Variants in HDAC2 observed in about 807,000 individuals in gnomAD.
HDAC2 encodes YY1-associated factor 1.
HDAC2 carries 5 observed loss-of-function variants against 68.5 expected under a neutral mutation model. The ratio of observed to expected loss-of-function variants is 0.07; its 90% CI spans 0.04 to 0.15. HDAC2 has a LOEUF of 0.15. Among genes scored for constraint, HDAC2 ranks in the 10% least tolerant of loss-of-function variants. The probability of loss-of-function intolerance (pLI) is 1.00; values close to 1 mark genes in which losing one functional copy is unlikely to be tolerated. For missense variants in HDAC2, 291 were observed against 600.8 expected, an observed-to-expected ratio of 0.48 and a Z score of 5.39; for synonymous variants, 182 against 191.3, an observed-to-expected ratio of 0.95 and a Z score of 0.40.
At chr6:113,964,759 T>C (rs1281230182) in intron 1 of HDAC2, among the ~76,000 whole-genome samples, 1 of 152,246 alleles carries the variant, frequency 6.6e-6, no homozygotes, top group Non-Finnish European at 1.5e-5. Context: ...GTCTTTTCAC[T>C]TGAATTCAAT....
Position 113,933,252 on chromosome 6 carries a change from T to A in HDAC2, c.*7806A>T, listed in dbSNP as rs1775933024. 1 of 152,206 alleles carries A rather than the reference T, an allele frequency of 6.6e-6. No homozygotes were observed. Among genetic ancestry groups the A allele is most frequent in the African/African-American group, 2.4e-5 (1 of 41,452 alleles). 9.4% of individuals were successfully genotyped at this position (152,206 alleles called of 1,614,324 possible). On this transcript the variant is annotated 3_prime_UTR_variant, in exon 14 of 14. Transcript: ENST00000519065. ...TCATGCATTACCTGACTGGGTGCAC[T>A]GAGAACACAGCATCATTCCTGTGAT...
rs563941081 is a variant in HDAC2 at position 113,956,024 on chromosome 6, A to G, written c.486T>C (p.Leu162=). The G allele has an allele frequency of 6.3e-7, 1 of 1,598,464 alleles. No homozygotes were observed. Among genetic ancestry groups the G allele is most frequent in the East Asian group, 2.2e-5 (1 of 44,560 alleles). The stretch of plus-strand genomic sequence containing the variant: ...ATAAATTAACATACTTTAGTAATTC[A>G]AGGATGGCAAGCACAATATCATTAA... The part of the protein sequence containing the change: ...CYVNDIVLAI[L]ELLKYHQRVL... Residue 162 remains leucine (L), a synonymous_variant, in exon 5 of 14, where the codon CTT becomes CTC. Transcript: ENST00000519065.
intron 3 of HDAC2, among the ~76,000 whole-genome samples, chr6:113,957,611 G>C (rs1776586117): frequency 6.6e-6 from 1 of 151,934 alleles, no homozygotes; most frequent in Non-Finnish European, 1.5e-5. Context: ...TCAGCCTACA[G>C]AGTAGTGGGA....
chr6:113,943,353 GT>G lies in HDAC2; in HGVS notation c.1375del (p.Thr459GlnfsTer47). On this transcript the variant is annotated frameshift_variant, in exon 12 of 14. Coordinates refer to ENST00000519065, the MANE Select transcript of HDAC2 (RefSeq NM_001527.4). LOFTEE classifies it high-confidence loss of function. ...EDKKETEDKK[T>X]DVKEEDKSKD... ...AATTACCAAGAAACAAATCTGACCT[GT>G]TTTTTTGTCCTCTGTTTCTTTCTTA... 2.5e-6 allele frequency: 4 copies of G among 1,593,210 alleles called. No homozygotes were observed. Among genetic ancestry groups the G allele is most frequent in the Non-Finnish European group, 3.4e-6 (4 of 1,173,402 alleles).
At chr6:113,961,451 G>A (rs867738653) in intron 1 of HDAC2, among the ~76,000 whole-genome samples, 3 of 152,068 alleles carry the variant, frequency 2.0e-5, no homozygotes, top group East Asian at 1.9e-4. Context: ...CATATACAAA[G>A]TCTTTTAAAG....
chr6:113,948,694 G>A (rs984267836), intron 8 of HDAC2: 6 of 314,212 alleles, frequency 1.9e-5, no homozygotes, highest in African/African-American at 4.3e-5. Context: ...AAAAAAGTAT[G>A]CATGTTTTAT....
chr6:113,946,063 A>T lies in HDAC2; in HGVS notation c.927T>A (p.Val309=). 1 of 1,613,378 alleles carries T rather than the reference A, an allele frequency of 6.2e-7. No homozygotes were observed. Among genetic ancestry groups the T allele is most frequent in the Non-Finnish European group, 8.5e-7 (1 of 1,179,284 alleles). ...CAGTCTCATATGTCCAACATCGAGC[A>T]ACATTACGGATTGTGTAGCCACCTC... ...LGGGGYTIRN[V]ARCWTYETAV... is the part of the protein sequence containing the mutation. Residue 309 remains valine (V), a synonymous_variant, in exon 9 of 14, where the codon GTT becomes GTA. Transcript: ENST00000519065.
In HDAC2 at chr6:113,960,061, C is replaced by A. The variant is rs750897762; in HGVS notation, c.53-43G>T. 8.5e-6 allele frequency: 8 copies of A among 940,294 alleles called. No individual in the cohort carries two copies. The African/African-American group carries it at 1.1e-4, about 13-fold the overall frequency. 58.2% of individuals were successfully genotyped at this position (940,294 alleles called of 1,614,324 possible). On this transcript the variant is annotated intron_variant, in intron 1 of 13. Transcript: ENST00000519065. ...CAAACTAAACAATACAGACAAGAGA[C>A]CCTCCATGAACTATTTGAATTTATG... is the stretch of plus-strand genomic sequence containing the variant.
At chr6:113,946,346 A>C (rs769998069) in intron 8 of HDAC2, 198 bp from the exon 9 acceptor site, 18 of 409,802 alleles carry the variant, frequency 4.4e-5, no homozygotes, top group Non-Finnish European at 6.5e-5. Context: ...CATATTAAAA[A>C]ATTAAGATAT....
chr6:113,953,027 G>A (rs2114603858), intron 6 of HDAC2, among the ~76,000 whole-genome samples: 1 of 152,272 alleles, frequency 6.6e-6, no homozygotes, highest in African/African-American at 2.4e-5. Flanking sequence ...TTCATGCTTT[G>A]TGGATATTCA....
intron 6 of HDAC2, among the ~76,000 whole-genome samples, chr6:113,950,879 T>TC (rs1226233668): frequency 6.6e-6 from 1 of 152,082 alleles, no homozygotes; most frequent in African/African-American, 2.4e-5. Flanking sequence ...AGACCCAACA[T>TC]CCAACGAGGA....
intron 11 of HDAC2, 116 bp downstream of exon 11, chr6:113,944,164 G>T: frequency 1.1e-6 from 1 of 910,196 alleles, no homozygotes; most frequent in Non-Finnish European, 1.7e-6. Context: ...TGGCAAAAAT[G>T]ACAATATTAA....
At position 113,956,600 on chromosome 6, in the gene HDAC2, T is replaced by C. The variant is rs1305673068; in HGVS notation, c.358+19A>G. On this transcript the variant is annotated intron_variant, in intron 4 of 13. Transcript: ENST00000519065. Reference sequence around the variant, plus strand: ...CCAAGTTCAGATCAACTTTTAAATCTGATTGCATTAGCACTTACCAACTGA... The same window carrying C: ...CCAAGTTCAGATCAACTTTTAAATCCGATTGCATTAGCACTTACCAACTGA... 3.2e-6 allele frequency: 5 copies of C among 1,574,352 alleles called. No homozygotes were observed. In the East Asian group the frequency reaches 1.1e-4, roughly 35 times the overall value.
rs1281643378 is a variant in HDAC2, at chr6:113,936,964, C to G, written c.*4094G>C. On this transcript the variant is annotated 3_prime_UTR_variant, in exon 14 of 14. Transcript: ENST00000519065. ...CCAAGATCATGCCACTGCACTCCAA[C>G]CTGGGCAACAGAGTGAGACTCTTTC... 2 of 151,832 alleles carry G rather than the reference C, an allele frequency of 1.3e-5. No homozygotes were observed. Among genetic ancestry groups the G allele is most frequent in the African/African-American group, 4.8e-5 (2 of 41,268 alleles). The allele number at this position is 151,832 out of a possible 1,614,324, so 9.4% of individuals were successfully genotyped here. A position where few individuals can be genotyped will look rare whatever the true frequency, so the allele number is the denominator to read the frequency against.
intron 1 of HDAC2, among the ~76,000 whole-genome samples, chr6:113,963,900 G>C (rs141392946): frequency 5.0e-4 from 76 of 152,308 alleles, no homozygotes; most frequent in Non-Finnish European, 8.2e-4. Context: ...CAGAATGGAA[G>C]TGTCTACTAA....
chr6:113,948,178 C>G (rs1776306994), intron 8 of HDAC2: 1 of 152,134 alleles, frequency 6.6e-6, no homozygotes, highest in East Asian at 1.9e-4. Flanking sequence ...TACTGCAGCA[C>G]TCCTAATCCC....
At chr6:113,942,484 T>C (rs1022302785) in intron 12 of HDAC2, among the ~76,000 whole-genome samples, 4 of 148,182 alleles carry the variant, frequency 2.7e-5, no homozygotes, top group African/African-American at 7.4e-5. Context: ...TTGATAGACA[T>C]AGGAAAAATT....
At position 113,949,040 on chromosome 6, in the gene HDAC2, T is replaced by C; in HGVS notation, c.780A>G (p.Leu260=). ...CAGATAATGAGTCTGCACCACACTG[T>C]AATACCACAGCACTAGGTTGATACA... ...MEMYQPSAVV[L]QCGADSLSGD... The change falls in exon 8 of 14, where the codon TTA becomes TTG. Residue 260 remains leucine, a synonymous_variant. Coordinates refer to ENST00000519065, the MANE Select transcript of HDAC2 (RefSeq NM_001527.4). 1 of 1,614,010 alleles carries C rather than the reference T, an allele frequency of 6.2e-7. No individual in the cohort carries two copies. The highest frequency in any genetic ancestry group is 8.5e-7 in the Non-Finnish European group (1 of 1,179,958).
In HDAC2 at chr6:113,969,500, C is replaced by T. The variant is rs903755019; in HGVS notation, c.52+1357G>A. Among the ~76,000 whole-genome samples, 4 of 152,296 alleles carry T rather than the reference C, an allele frequency of 2.6e-5. No homozygotes were observed. The East Asian group carries it at 7.7e-4, about 29-fold the overall frequency. ...TTTACAATACACCACATGTAGGAAA[C>T]AGCTTCCAAAATTTGTATTGCTTCC... On this transcript the variant is annotated intron_variant, in intron 1 of 13. Transcript: ENST00000519065.
Sources: allele counts gnomAD v4.1 joint callset (sites outside exome capture counted in the v4.1 genomes callset), GRCh38; gene constraint gnomAD v4.1.1; transcripts MANE v1.5; gene names NCBI Gene and HGNC (gene_info 2026-07-23, HGNC 2026-07-21).